Variants in RBFOX1 observed in about 807,000 individuals in gnomAD.
RBFOX1 encodes RNA binding fox-1 homolog 1, also known as RNA binding protein fox-1 homolog 1.
A neutral mutation model predicts 57.7 loss-of-function variants in RBFOX1; 8 were observed. That is an observed-to-expected ratio of 0.14 (90% CI 0.08 to 0.25). The LOEUF (loss-of-function observed/expected upper bound fraction) is 0.25, where lower values mean the gene tolerates loss of function less well. Among genes scored for constraint, RBFOX1 ranks in the 10% least tolerant of loss-of-function variants. RBFOX1 has a pLI of 1.00. For missense variants in RBFOX1, 611 were observed against 548.5 expected, an observed-to-expected ratio of 1.11 and a Z score of -1.14; for synonymous variants, 326 against 222.4, an observed-to-expected ratio of 1.47 and a Z score of -4.15.
intron 3 of RBFOX1, among the ~76,000 whole-genome samples, chr16:6,778,955 A>G (rs1419008220): frequency 6.6e-6 from 1 of 152,064 alleles, no homozygotes; most frequent in African/African-American, 2.4e-5. Flanking sequence ...TGTAATGATC[A>G]AATCAAGGTA....
At chr16:7,296,130 G>A (rs1387743542) in intron 4 of RBFOX1, among the ~76,000 whole-genome samples, 1 of 151,608 alleles carries the variant, frequency 6.6e-6, no homozygotes, top group African/African-American at 2.4e-5. Flanking sequence ...CAGACTCATT[G>A]GATTCTGTAA....
At position 5,667,158 on chromosome 16, in the gene RBFOX1, A is replaced by C. The variant is rs575755132; in HGVS notation, c.318+68197A>C. Among the ~76,000 whole-genome samples, 56 of 152,194 alleles carry C rather than the reference A, an allele frequency of 3.7e-4. 1 individual carries two copies. The highest frequency in any genetic ancestry group is 1.1e-3 in the African/African-American group (47 of 41,526). ...TACCCCAGTGTTTTTGTTGTTGCTT[A>C]CTTAGTTTTTGGCTTCATTAACATT... On this transcript the variant is annotated intron_variant, in intron 3 of 19. Transcript: ENST00000641259.
At chr16:7,136,829 T>C (rs2072149247) in intron 4 of RBFOX1, among the ~76,000 whole-genome samples, 1 of 152,218 alleles carries the variant, frequency 6.6e-6, no homozygotes. Context: ...AAAATCTCTG[T>C]ACCAGAGGGG....
intron 2 of RBFOX1, among the ~76,000 whole-genome samples, chr16:6,653,857 G>T (rs905056480): frequency 6.6e-6 from 1 of 151,644 alleles, no homozygotes; most frequent in Non-Finnish European, 1.5e-5. Flanking sequence ...GATAGATGGG[G>T]ATGGCTGGGT....
chr16:7,141,657 C>G (rs959017787), intron 4 of RBFOX1, among the ~76,000 whole-genome samples: 2 of 152,280 alleles, frequency 1.3e-5, no homozygotes, highest in African/African-American at 2.4e-5. Flanking sequence ...TTAAACTCAT[C>G]TAACTTTAGT....
At chr16:6,601,832 ATGTTAAAGAGAGGGGTTAGAG>A (rs2097857000) in intron 2 of RBFOX1, among the ~76,000 whole-genome samples, 1 of 152,172 alleles carries the variant, frequency 6.6e-6, no homozygotes, top group Non-Finnish European at 1.5e-5. Flanking sequence ...GGAATTGAAG[ATGTTAAAGAGAGGGGTTAGAG>A]CTTGAAGAGG....
intron 4 of RBFOX1, among the ~76,000 whole-genome samples, chr16:7,202,814 G>C (rs1304077424): frequency 2.0e-5 from 3 of 152,130 alleles, no homozygotes; most frequent in East Asian, 3.9e-4. Context: ...CCCCCACCCT[G>C]GCCATTAGTT....
Position 5,331,147 on chromosome 16 carries a change from T to A in RBFOX1, c.219+91042T>A, listed in dbSNP as rs2064744160. On this transcript the variant is annotated intron_variant, in intron 1 of 2. Transcript: ENST00000585867. ...GAGCATTTTTGGTCCGCTGTATAAC[T>A]TACGTGGACTCCTCCGGATAGGGTA... Among the ~76,000 whole-genome samples, 2 of 152,164 alleles carry A rather than the reference T, an allele frequency of 1.3e-5. 1 individual carries two copies. Among genetic ancestry groups the A allele is most frequent in the Non-Finnish European group, 2.9e-5 (2 of 68,022 alleles).
At chr16:7,417,077 T>C (rs1034002068) in intron 4 of RBFOX1, among the ~76,000 whole-genome samples, 1 of 151,972 alleles carries the variant, frequency 6.6e-6, no homozygotes, top group African/African-American at 2.4e-5. Flanking sequence ...TTTTAAGAAA[T>C]AGCACAAAGA....
intron 4 of RBFOX1, among the ~76,000 whole-genome samples, chr16:7,161,404 C>G (rs929219166): frequency 1.3e-5 from 2 of 152,136 alleles, no homozygotes; most frequent in African/African-American, 4.8e-5. Flanking sequence ...CACATTATAC[C>G]TAAGTGTATA....
intron 1 of RBFOX1, among the ~76,000 whole-genome samples, chr16:6,249,884 C>A (rs1396205039): frequency 6.6e-6 from 1 of 150,830 alleles, no homozygotes; most frequent in African/African-American, 2.4e-5. Flanking sequence ...AGTAACTCGT[C>A]GTTTAACATT....
At chr16:7,171,799 G>A (rs2080757245) in intron 4 of RBFOX1, among the ~76,000 whole-genome samples, 1 of 152,112 alleles carries the variant, frequency 6.6e-6, no homozygotes, top group African/African-American at 2.4e-5. Flanking sequence ...TTTGAATTTT[G>A]GCTTGGCCAT....
chr16:6,372,085 G>A (rs1181836855), intron 2 of RBFOX1, among the ~76,000 whole-genome samples: 1 of 152,046 alleles, frequency 6.6e-6, no homozygotes, highest in Non-Finnish European at 1.5e-5. Flanking sequence ...GTAGGAGGGT[G>A]GATGGGTGGA....
intron 14 of RBFOX1, among the ~76,000 whole-genome samples, chr16:7,679,312 G>T (rs1384578052): frequency 2.0e-5 from 3 of 152,180 alleles, no homozygotes; most frequent in Non-Finnish European, 4.4e-5. Flanking sequence ...TCTCTCAGAA[G>T]TAGCAATTGT....
chr16:6,858,904 GGTCA>G (rs1232661132), intron 3 of RBFOX1, among the ~76,000 whole-genome samples: 2 of 151,442 alleles, frequency 1.3e-5, no homozygotes, highest in Non-Finnish European at 2.9e-5. Flanking sequence ...AGTATCATGT[GGTCA>G]GTAAGTTCTG....
intron 5 of RBFOX1, among the ~76,000 whole-genome samples, chr16:7,523,109 G>C (rs1354275005): frequency 1.3e-5 from 2 of 152,028 alleles, no homozygotes; most frequent in Non-Finnish European, 2.9e-5. Flanking sequence ...TCTTTGTCTG[G>C]CTTCTTTTAC....
intron 2 of RBFOX1, among the ~76,000 whole-genome samples, chr16:5,548,676 A>C (rs2045333696): frequency 6.6e-6 from 1 of 152,154 alleles, no homozygotes; most frequent in Admixed American, 6.5e-5. Flanking sequence ...AAACTAAAAA[A>C]ATTTAAAAAG....
chr16:7,420,468 G>A (rs1008732278), intron 4 of RBFOX1, among the ~76,000 whole-genome samples: 1 of 152,168 alleles, frequency 6.6e-6, no homozygotes, highest in African/African-American at 2.4e-5. Context: ...GAATAATGAT[G>A]ATAGAATTGT....
intron 3 of RBFOX1, among the ~76,000 whole-genome samples, chr16:5,714,531 G>C (rs1221473632): frequency 6.6e-6 from 1 of 152,220 alleles, no homozygotes; most frequent in Non-Finnish European, 1.5e-5. Flanking sequence ...ACCTGGGTGG[G>C]ACCTTAGATG....
Sources: gnomAD v4.1 joint callset for allele counts (sites outside exome capture counted in the v4.1 genomes callset) on GRCh38, gnomAD v4.1.1 for gene constraint, MANE v1.5 for transcripts, NCBI Gene and HGNC (gene_info 2026-07-23, HGNC 2026-07-21) for gene names.